The following NIM1K variants were observed in gnomAD, a reference collection of about 807,000 sequenced individuals.
NIM1K encodes serine/threonine-protein kinase NIM1.
Under a neutral mutation model 37.1 loss-of-function variants are expected in NIM1K, and 35 were observed. The observed-to-expected ratio is 0.94, with a 90% CI of 0.72 to 1.25. NIM1K has a LOEUF of 1.25. Ranked by LOEUF, NIM1K falls within the 50% of genes most tolerant of loss-of-function variation. The probability of loss-of-function intolerance (pLI) is 0.00; values close to 1 mark genes in which losing one functional copy is unlikely to be tolerated. For missense variants in NIM1K, 564 were observed against 548.0 expected, an observed-to-expected ratio of 1.03 and a Z score of -0.29; for synonymous variants, 234 against 206.6, an observed-to-expected ratio of 1.13 and a Z score of -1.14.
intron 1 of NIM1K, among the ~76,000 whole-genome samples, chr5:43,198,583 C>G (rs1751971480): frequency 6.6e-6 from 1 of 152,002 alleles, no homozygotes; most frequent in Admixed American, 6.6e-5. Context: ...CAGCCCACTT[C>G]ATATTGTCTT....
intron 1 of NIM1K, among the ~76,000 whole-genome samples, chr5:43,200,446 G>A (rs183178299): frequency 3.3e-5 from 5 of 152,210 alleles, no homozygotes; most frequent in Admixed American, 2.0e-4. Flanking sequence ...GACTACAGGT[G>A]CCCGCCTCCA....
chr5:43,227,124 G>T (rs1244714785), intron 1 of NIM1K, among the ~76,000 whole-genome samples: 1 of 152,202 alleles, frequency 6.6e-6, no homozygotes, highest in Non-Finnish European at 1.5e-5. Flanking sequence ...ACTTTGAGAG[G>T]CCGAGGAAGG....
chr5:43,235,949 A>G (rs1752614865), intron 1 of NIM1K, among the ~76,000 whole-genome samples: 1 of 151,800 alleles, frequency 6.6e-6, no homozygotes, highest in Non-Finnish European at 1.5e-5. Flanking sequence ...TCACTTCGCC[A>G]GTGTTTTAAA....
At chr5:43,250,087 C>T (rs764479971) in intron 2 of NIM1K, among the ~76,000 whole-genome samples, 2 of 151,788 alleles carry the variant, frequency 1.3e-5, no homozygotes, top group Non-Finnish European at 1.5e-5. Flanking sequence ...CTCCTGACCT[C>T]GTGATCTGCC....
At chr5:43,243,458 T>TC (rs1752733881) in intron 1 of NIM1K, among the ~76,000 whole-genome samples, 1 of 151,822 alleles carries the variant, frequency 6.6e-6, no homozygotes, top group African/African-American at 2.4e-5. Context: ...GGTTTTTTTT[T>TC]TTTTCCTCCT....
At chr5:43,219,476 A>C (rs577186150) in intron 1 of NIM1K, among the ~76,000 whole-genome samples, 2 of 152,178 alleles carry the variant, frequency 1.3e-5, no homozygotes, top group East Asian at 1.9e-4. Flanking sequence ...CCTGGGCTCA[A>C]GTGATCCTCC....
intron 1 of NIM1K, among the ~76,000 whole-genome samples, chr5:43,195,349 A>G (rs1751896126): frequency 6.6e-6 from 1 of 152,208 alleles, no homozygotes; most frequent in Admixed American, 6.6e-5. Context: ...TTACAGATGG[A>G]CAAGTTGTGT....
chr5:43,208,443 A>G (rs1365334002), intron 1 of NIM1K, among the ~76,000 whole-genome samples: 1 of 152,046 alleles, frequency 6.6e-6, no homozygotes, highest in Non-Finnish European at 1.5e-5. Flanking sequence ...TCTCTATTAA[A>G]AATACAAAAA....
At chr5:43,207,166 A>G in intron 1 of NIM1K, 1 of 736,658 alleles carries the variant, frequency 1.4e-6, no homozygotes, top group Non-Finnish European at 2.5e-6. Flanking sequence ...AGCAGTTTGG[A>G]AATATTCTCA....
intron 2 of NIM1K, among the ~76,000 whole-genome samples, chr5:43,252,574 GAAA>G (rs34096759): frequency 2.1e-5 from 3 of 144,686 alleles, no homozygotes; most frequent in African/African-American, 5.1e-5. Flanking sequence ...CTAAAAAATT[GAAA>G]AAAAAAAAAA....
At chr5:43,262,993 T>A (rs1377622003) in intron 2 of NIM1K, among the ~76,000 whole-genome samples, 1 of 152,212 alleles carries the variant, frequency 6.6e-6, no homozygotes, top group Non-Finnish European at 1.5e-5. Flanking sequence ...CTTTTTGATG[T>A]GCTGCTGGAT....
intron 1 of NIM1K, among the ~76,000 whole-genome samples, chr5:43,220,046 C>T (rs753580459): frequency 8.5e-5 from 13 of 152,108 alleles, no homozygotes; most frequent in South Asian, 2.1e-4. Context: ...TTGATGCATA[C>T]GATTTTTAAA....
At chr5:43,277,780 G>A (rs376685697) in intron 3 of NIM1K, among the ~76,000 whole-genome samples, 66 of 67,660 alleles carry the variant, frequency 9.8e-4, no homozygotes, top group African/African-American at 6.6e-3. Flanking sequence ...CCCCCTCTCC[G>A]TGTGTGTGTG....
chr5:43,265,560 G>A (rs1054659697), intron 2 of NIM1K, among the ~76,000 whole-genome samples: 4 of 152,114 alleles, frequency 2.6e-5, no homozygotes, highest in African/African-American at 9.7e-5. Flanking sequence ...AGATGGGTTC[G>A]AACATCCTCC....
chr5:43,213,209 C>CT (rs1183746550), intron 1 of NIM1K, among the ~76,000 whole-genome samples: 2 of 46,320 alleles, frequency 4.3e-5, no homozygotes, highest in African/African-American at 1.6e-4. Context: ...TTCTTTCTTT[C>CT]TTTCTTTCTT....
chr5:43,196,571 C>G (rs1160408132), intron 1 of NIM1K, among the ~76,000 whole-genome samples: 1 of 151,932 alleles, frequency 6.6e-6, no homozygotes, highest in African/African-American at 2.4e-5. Flanking sequence ...AGAGATGGAG[C>G]TTGTAGTGAG....
intron 1 of NIM1K, among the ~76,000 whole-genome samples, chr5:43,241,241 A>G (rs1752698013): frequency 1.3e-5 from 2 of 151,896 alleles, no homozygotes; most frequent in South Asian, 4.1e-4. Flanking sequence ...TTTGTATATT[A>G]TGGAGTCATT....
intron 1 of NIM1K, among the ~76,000 whole-genome samples, chr5:43,209,401 T>C (rs1752172031): frequency 6.6e-6 from 1 of 152,208 alleles, no homozygotes; most frequent in South Asian, 2.1e-4. Flanking sequence ...AGGGGCACAT[T>C]GAACAAACTT....
At chr5:43,220,681 T>A (rs1299491818) in intron 1 of NIM1K, among the ~76,000 whole-genome samples, 1 of 152,216 alleles carries the variant, frequency 6.6e-6, no homozygotes, top group Non-Finnish European at 1.5e-5. Flanking sequence ...CAAAACCTAG[T>A]TTAGATTTAT....
Sources: allele counts gnomAD v4.1 joint callset (sites outside exome capture counted in the v4.1 genomes callset), GRCh38; gene constraint gnomAD v4.1.1; transcripts MANE v1.5; gene names NCBI Gene and HGNC (gene_info 2026-07-23, HGNC 2026-07-21).